The following CFAP95 variants were observed in gnomAD, a reference collection of about 807,000 sequenced individuals.
The protein encoded by CFAP95 is cilia- and flagella-associated protein 95.
the CFAP95 span, chr9:69,905,922 A>G: frequency 3.0e-3 from 4,347 of 1,431,080 alleles, 91 homozygotes; most frequent in African/African-American, 0.049. Flanking sequence ...TACTTCAGTT[A>G]TTAAATATTA....
At chr9:69,897,597 A>G in the CFAP95 span, among the ~76,000 whole-genome samples, 1 of 152,204 alleles carries the variant, frequency 6.6e-6, no homozygotes, top group Non-Finnish European at 1.5e-5. Flanking sequence ...GAACCAAGGA[A>G]TAGCCTACCA....
chr9:69,823,207 C>T, the CFAP95 span, among the ~76,000 whole-genome samples: 36 of 152,218 alleles, frequency 2.4e-4, 1 homozygote, highest in African/African-American at 7.0e-4. Context: ...GGAGGAACTT[C>T]GAAACGCTGA....
At chr9:69,866,420 T>G in the CFAP95 span, among the ~76,000 whole-genome samples, 12 of 152,290 alleles carry the variant, frequency 7.9e-5, no homozygotes, top group South Asian at 1.5e-3. Flanking sequence ...GCCTGAGAAC[T>G]AGTGGGCCTG....
chr9:69,901,313 A>C, the CFAP95 span, among the ~76,000 whole-genome samples: 638 of 152,022 alleles, frequency 4.2e-3, 12 homozygotes, highest in Admixed American at 0.035. Flanking sequence ...AAATTTTTGT[A>C]TATTTAGTAG....
At chr9:69,856,151 C>A in the CFAP95 span, among the ~76,000 whole-genome samples, 1,883 of 152,080 alleles carry the variant, frequency 0.012, 48 homozygotes, top group African/African-American at 0.043. Context: ...GCTGTATGAC[C>A]GAGAGTGAAT....
At chr9:69,852,165 A>ATT in the CFAP95 span, among the ~76,000 whole-genome samples, 1 of 118,500 alleles carries the variant, frequency 8.4e-6, no homozygotes, top group African/African-American at 2.6e-5. Context: ...CTTTGTATAT[A>ATT]TTTTTTTTTT....
the CFAP95 span, among the ~76,000 whole-genome samples, chr9:69,879,518 G>A: frequency 2.2e-4 from 34 of 152,202 alleles, no homozygotes; most frequent in East Asian, 1.2e-3. Flanking sequence ...GGAGCTGTGC[G>A]CATATGTAAT....
chr9:69,844,514 A>C, the CFAP95 span: 1 of 1,579,064 alleles, frequency 6.3e-7, no homozygotes, highest in Non-Finnish European at 8.6e-7. Flanking sequence ...ATTTTTTCTT[A>C]AGGCACCGTG....
chr9:69,831,852 A>G, the CFAP95 span, among the ~76,000 whole-genome samples: 3 of 152,184 alleles, frequency 2.0e-5, no homozygotes, highest in Non-Finnish European at 4.4e-5. Flanking sequence ...CTTGTGATGC[A>G]GAATGTGTGG....
chr9:69,857,229 A>G, the CFAP95 span, among the ~76,000 whole-genome samples: 1 of 152,142 alleles, frequency 6.6e-6, no homozygotes, highest in Non-Finnish European at 1.5e-5. Context: ...CTTGCATTCT[A>G]GTTATTTATA....
the CFAP95 span, among the ~76,000 whole-genome samples, chr9:69,842,132 G>T: frequency 0.28 from 41,948 of 152,074 alleles, 6,485 homozygotes; most frequent in Non-Finnish European, 0.35. Flanking sequence ...CAGGGATGGT[G>T]CTGGGTTTCC....
chr9:69,844,476 A>T, the CFAP95 span: 1 of 1,338,922 alleles, frequency 7.5e-7, no homozygotes, highest in Non-Finnish European at 1.0e-6. Context: ...TACAGAATAA[A>T]TAAACTACAT....
At chr9:69,858,349 G>A in the CFAP95 span, among the ~76,000 whole-genome samples, 1 of 152,204 alleles carries the variant, frequency 6.6e-6, no homozygotes, top group South Asian at 2.1e-4. Flanking sequence ...CGAACAGGGT[G>A]ATGCCCTGCC....
chr9:69,891,178 T>G, the CFAP95 span, among the ~76,000 whole-genome samples: 1 of 152,212 alleles, frequency 6.6e-6, no homozygotes, highest in African/African-American at 2.4e-5. Context: ...GTCCATGTAT[T>G]GTTTCAGAGT....
chr9:69,850,748 T>C, the CFAP95 span, among the ~76,000 whole-genome samples: 1 of 152,212 alleles, frequency 6.6e-6, no homozygotes, highest in African/African-American at 2.4e-5. Flanking sequence ...GATAGTAGGC[T>C]GTTGAGCTAG....
the CFAP95 span, among the ~76,000 whole-genome samples, chr9:69,866,808 G>A: frequency 1.3e-5 from 2 of 152,192 alleles, no homozygotes; most frequent in Non-Finnish European, 1.5e-5. Context: ...CAAATCAAAT[G>A]TTCCATTTCT....
At chr9:69,837,935 C>T in the CFAP95 span, among the ~76,000 whole-genome samples, 652 of 152,298 alleles carry the variant, frequency 4.3e-3, 6 homozygotes, top group African/African-American at 0.015. Flanking sequence ...GATCCAGTTT[C>T]AGCTTTCTAC....
At chr9:69,873,233 C>T in the CFAP95 span, among the ~76,000 whole-genome samples, 1 of 152,140 alleles carries the variant, frequency 6.6e-6, no homozygotes, top group Non-Finnish European at 1.5e-5. Flanking sequence ...AATAAAGTCA[C>T]TCTTCTCTCC....
chr9:69,862,284 C>T, the CFAP95 span, among the ~76,000 whole-genome samples: 1 of 152,160 alleles, frequency 6.6e-6, no homozygotes, highest in Admixed American at 6.5e-5. Flanking sequence ...CATTTGAAGA[C>T]ATAGTTTCTT....
Sources: gnomAD v4.1 joint callset for allele counts (sites outside exome capture counted in the v4.1 genomes callset) on GRCh38, gnomAD v4.1.1 for gene constraint, MANE v1.5 for transcripts, NCBI Gene and HGNC (gene_info 2026-07-23, HGNC 2026-07-21) for gene names.